The following MYT1 variants were observed in gnomAD, a reference collection of about 807,000 sequenced individuals.
The protein encoded by MYT1 is myelin transcription factor 1.
Under a neutral mutation model 123.0 loss-of-function variants are expected in MYT1, and 23 were observed. The observed-to-expected ratio is 0.19, with a 90% CI of 0.13 to 0.26. MYT1 has a LOEUF of 0.26. Among genes scored for constraint, MYT1 ranks in the 10% least tolerant of loss-of-function variants. The probability of loss-of-function intolerance (pLI) is 1.00; values close to 1 mark genes in which losing one functional copy is unlikely to be tolerated. For synonymous variants in MYT1, 518 were observed against 575.3 expected (o/e 0.90, Z 1.43); for missense variants, 1,125 against 1,472.5 (o/e 0.76, Z 3.86).
chr20:64,214,816 A>G (rs1983788605), intron 10 of MYT1, among the ~76,000 whole-genome samples: 3 of 152,190 alleles, frequency 2.0e-5, no homozygotes, highest in African/African-American at 7.2e-5. Flanking sequence ...TTCGGGGCCC[A>G]CCTGACCCCG....
chr20:64,206,053 G>GGT lies in MYT1; in HGVS notation c.397+265_397+266dup, dbSNP rs142954879. Reference sequence around the variant, plus strand: ...GCAGGACAGACAGAGACACGGGGCTGGTGTGTGTGTGTGCAGTTGTAGTGT... The same window carrying GGT: ...GCAGGACAGACAGAGACACGGGGCTGGTGTGTGTGTGTGTGCAGTTGTAGTGT... On this transcript the variant is annotated intron_variant, in intron 6 of 22. Coordinates refer to ENST00000328439, the MANE Select transcript of MYT1 (RefSeq NM_004535.3). 2.6e-5 allele frequency among the ~76,000 whole-genome samples: 4 copies of GGT among 152,004 alleles called. No homozygotes were observed. The South Asian group carries it at 6.2e-4, about 24-fold the overall frequency.
chr20:64,204,026 C>T (rs1276526586), intron 4 of MYT1, among the ~76,000 whole-genome samples: 1 of 152,228 alleles, frequency 6.6e-6, no homozygotes, highest in African/African-American at 2.4e-5. Flanking sequence ...TCCCACCTGC[C>T]TTAGGTGACC....
chr20:64,222,945 A>T (rs1984052582), intron 14 of MYT1, among the ~76,000 whole-genome samples, 166 bp from the exon 15 acceptor site: 1 of 152,258 alleles, frequency 6.6e-6, no homozygotes, highest in African/African-American at 2.4e-5. Flanking sequence ...AGAAACTTCC[A>T]GCCTGAGAGG....
intron 12 of MYT1, 62 bp from the exon 13 acceptor site, chr20:64,219,651 G>A (rs942950369): frequency 1.4e-6 from 2 of 1,425,230 alleles, no homozygotes; most frequent in East Asian, 2.3e-5. Flanking sequence ...GATTCAAATG[G>A]ACCAGAAGGC....
intron 1 of MYT1, among the ~76,000 whole-genome samples, chr20:64,178,846 C>T (rs113259556): frequency 4.8e-5 from 6 of 124,700 alleles, no homozygotes; most frequent in South Asian, 3.1e-4. Flanking sequence ...AGCACTGAGC[C>T]GTTATTCGGT....
At chr20:64,173,269 G>A (rs1447477190) in intron 1 of MYT1, among the ~76,000 whole-genome samples, 1 of 152,142 alleles carries the variant, frequency 6.6e-6, no homozygotes, top group Non-Finnish European at 1.5e-5. Flanking sequence ...ACCGTGGGAG[G>A]GTCAGGCCTC....
In MYT1 at chr20:64,168,064, G is replaced by C. The variant is rs1166726743; in HGVS notation, c.-99+3325G>C. On this transcript the variant is annotated intron_variant, in intron 1 of 22. Coordinates refer to ENST00000328439, the MANE Select transcript of MYT1 (RefSeq NM_004535.3). This position sits in a 1 kb window ranked among gnomAD's most constrained non-coding sequence, Gnocchi z 6.1. The stretch of plus-strand genomic sequence containing the variant: ...CCCGGAGTGTCTGCTGGAGGCCTGG[G>C]GGGTGGAATGTGCTTTCACGGCCTC... Among the ~76,000 whole-genome samples the C allele has an allele frequency of 6.6e-6, 1 of 152,224 alleles. No homozygotes were observed. The highest frequency in any genetic ancestry group is 2.4e-5 in the African/African-American group (1 of 41,466).
chr20:64,211,220 G>A lies in MYT1; in HGVS notation c.1306G>A (p.Glu436Lys). The A allele has an allele frequency of 6.2e-7, 1 of 1,613,604 alleles. No homozygotes were observed. Among genetic ancestry groups the A allele is most frequent in the South Asian group, 1.1e-5 (1 of 90,920 alleles). The part of the protein sequence containing the change: ...SYYSKDPSRA[E>K]KREIKCPTPG... ...GTGTGTTTTAGATCCTTCAAGAGCT[G>A]AGAAGCGTGAGATCAAGTGTCCAAC... The change falls in exon 8 of 23, where the codon GAG becomes AAG. Residue 436 changes from glutamate (E) to lysine (K), a missense_variant. Glu to Lys is a moderately conservative substitution (Grantham distance 56). Around this residue, in one of 4 missense-constraint regions of MYT1, gnomAD observed 429 missense variants for 604.1 expected, o/e 0.71. Coordinates refer to ENST00000328439, the MANE Select transcript of MYT1 (RefSeq NM_004535.3).
chr20:64,216,177 C>T (rs187466685), intron 10 of MYT1, among the ~76,000 whole-genome samples: 9 of 152,310 alleles, frequency 5.9e-5, no homozygotes, highest in African/African-American at 2.2e-4. Context: ...CTTCTTAATT[C>T]CACTGATTGT....
intron 16 of MYT1, 130 bp downstream of exon 16, chr20:64,223,489 T>C: frequency 1.9e-6 from 2 of 1,039,902 alleles, no homozygotes; most frequent in Non-Finnish European, 3.0e-6. Context: ...TCTCCTGAGA[T>C]GGGCAGAGGG....
At chr20:64,184,008 C>T (rs563530139) in intron 1 of MYT1, among the ~76,000 whole-genome samples, 6 of 152,144 alleles carry the variant, frequency 3.9e-5, no homozygotes, top group Non-Finnish European at 5.9e-5. Flanking sequence ...TCAGTAGAGA[C>T]GGGGCTTCAC....
At position 64,222,059 on chromosome 20, in the gene MYT1, T is replaced by C. The variant is rs763971009; in HGVS notation, c.2396+12T>C. On this transcript the variant is annotated intron_variant, in intron 14 of 22. Transcript: ENST00000328439. ...AAGGAGCTGCTCACGTAAGTCCCTG[T>C]TTGGCTGGCACAGCTCCTAGGGGAC... 8 of 1,611,994 alleles carry C rather than the reference T, an allele frequency of 5.0e-6. No homozygotes were observed. The South Asian group carries it at 8.8e-5, about 18-fold the overall frequency.
intron 1 of MYT1, among the ~76,000 whole-genome samples, chr20:64,177,565 C>CG (rs879402063): frequency 2.5e-3 from 357 of 141,796 alleles, no homozygotes; most frequent in South Asian, 0.019. Flanking sequence ...CACCCCTCTC[C>CG]AGGGTGGGGA....
chr20:64,222,286 C>T (rs1984031244), intron 14 of MYT1, among the ~76,000 whole-genome samples: 1 of 152,230 alleles, frequency 6.6e-6, no homozygotes, highest in African/African-American at 2.4e-5. Flanking sequence ...AAGAAATCCC[C>T]TGGCCAAGCT....
At position 64,189,826 on chromosome 20, in the gene MYT1, C is replaced by T. The variant is rs1331317370; in HGVS notation, c.-98-237C>T. Among the ~76,000 whole-genome samples the T allele has an allele frequency of 6.6e-6, 1 of 152,104 alleles. No homozygotes were observed. Among genetic ancestry groups the T allele is most frequent in the Non-Finnish European group, 1.5e-5 (1 of 68,032 alleles). On this transcript the variant is annotated intron_variant, in intron 1 of 22. Transcript: ENST00000328439. The surrounding 1 kb of genome is among the most constrained non-coding windows in gnomAD (Gnocchi z 5.5). ...AACACCTAGAGCTGGGACAACAGTG[C>T]AGGGGACTGCAGGAAGACTCCAGGG...
chr20:64,215,108 C>T (rs1405699261), intron 10 of MYT1, among the ~76,000 whole-genome samples: 3 of 152,210 alleles, frequency 2.0e-5, no homozygotes, highest in African/African-American at 4.8e-5. Flanking sequence ...TTTCCTCTAT[C>T]TTATTTGCTG....
chr20:64,217,997 G>A (rs1047489582), intron 11 of MYT1, among the ~76,000 whole-genome samples: 4 of 152,268 alleles, frequency 2.6e-5, no homozygotes, highest in Non-Finnish European at 5.9e-5. Context: ...GAGATTGGGA[G>A]TGGCATCGCG....
At chr20:64,214,313 G>A (rs1983774402) in intron 10 of MYT1, among the ~76,000 whole-genome samples, 1 of 152,048 alleles carries the variant, frequency 6.6e-6, no homozygotes, top group Admixed American at 6.5e-5. Context: ...GAACACGTGG[G>A]AGCGTGTGTG....
At chr20:64,178,413 G>A (rs533436086) in intron 1 of MYT1, among the ~76,000 whole-genome samples, 1 of 152,226 alleles carries the variant, frequency 6.6e-6, no homozygotes, top group Non-Finnish European at 1.5e-5. Flanking sequence ...TGTCTCGTTC[G>A]TCTGAAGTCG....
Sources: allele counts gnomAD v4.1 joint callset (sites outside exome capture counted in the v4.1 genomes callset), GRCh38; gene constraint gnomAD v4.1.1; regional missense constraint gnomAD v4.1.1; non-coding constraint Gnocchi (gnomAD v3.1); transcripts MANE v1.5; gene names NCBI Gene and HGNC (gene_info 2026-07-23, HGNC 2026-07-21).